The following GCLC variants were observed in gnomAD, a reference collection of about 807,000 sequenced individuals.
The protein encoded by GCLC is glutamate--cysteine ligase catalytic subunit.
A neutral mutation model predicts 81.5 loss-of-function variants in GCLC; 30 were observed. The ratio of observed to expected loss-of-function variants is 0.37; its 90% CI spans 0.28 to 0.50. The LOEUF is 0.50. Ranked by LOEUF, GCLC falls within the 20% of genes least tolerant of loss-of-function variation. The pLI, the probability that GCLC is intolerant of heterozygous loss-of-function variation, is 0.96. For missense variants in GCLC, 556 were observed against 777.4 expected (o/e 0.72, Z 3.39); for synonymous variants, 262 against 273.3 (o/e 0.96, Z 0.41).
chr6:53,508,208 G>A (rs1764654554), intron 8 of GCLC, among the ~76,000 whole-genome samples: 1 of 152,128 alleles, frequency 6.6e-6, no homozygotes, highest in African/African-American at 2.4e-5. Context: ...TTACTTTACA[G>A]TTCAACATGC....
intron 1 of GCLC, among the ~76,000 whole-genome samples, chr6:53,527,488 GC>G (rs1763102850): frequency 6.6e-6 from 1 of 151,900 alleles, no homozygotes; most frequent in African/African-American, 2.4e-5. Context: ...CACGCTCCCT[GC>G]CCCCCACCCC....
chr6:53,511,410 A>G (rs1457520206), intron 6 of GCLC, among the ~76,000 whole-genome samples: 1 of 152,102 alleles, frequency 6.6e-6, no homozygotes, highest in African/African-American at 2.4e-5. Flanking sequence ...TGTTGCTCTT[A>G]GGTATTTGAG....
At chr6:53,520,628 T>C (rs1762975285) in intron 3 of GCLC, 150 bp downstream of exon 3, 1 of 758,732 alleles carries the variant, frequency 1.3e-6, no homozygotes, top group Non-Finnish European at 2.4e-6. Flanking sequence ...GCAGCTCTAC[T>C]GTTACAGAGT....
intron 1 of GCLC, chr6:53,523,932 T>C (rs1368446210): frequency 6.6e-6 from 1 of 152,174 alleles, no homozygotes; most frequent in African/African-American, 2.4e-5. Flanking sequence ...ACATGAGATC[T>C]CCACCTGCAG....
intron 1 of GCLC, among the ~76,000 whole-genome samples, chr6:53,541,884 TA>T (rs1470219417): frequency 2.6e-5 from 4 of 152,086 alleles, no homozygotes; most frequent in African/African-American, 7.2e-5. Context: ...TTTTTTGGGG[TA>T]GGGGGCTAGG....
At chr6:53,536,984 G>T (rs1395300589) in intron 1 of GCLC, among the ~76,000 whole-genome samples, 1 of 152,142 alleles carries the variant, frequency 6.6e-6, no homozygotes, top group Non-Finnish European at 1.5e-5. Context: ...ACTAGACAAA[G>T]ACTTCTACAA....
Position 53,498,371 on chromosome 6 carries a change from C to A in GCLC, c.*385G>T. ...AGAAAAATTTCAATAAATCAGGTCC[C>A]AGGTAGTCTTTAAAAGAACAAAAAT... On this transcript the variant is annotated 3_prime_UTR_variant, in exon 16 of 16. Coordinates refer to ENST00000650454, the MANE Select transcript of GCLC (RefSeq NM_001498.4). The A allele has an allele frequency of 5.2e-6, 1 of 190,626 alleles. No individual in the cohort carries two copies. Among genetic ancestry groups the A allele is most frequent in the South Asian group, 1.1e-4 (1 of 9,446 alleles). The allele number at this position is 190,626 out of a possible 1,614,324, so 11.8% of individuals were successfully genotyped here.
In GCLC at chr6:53,508,595, C is replaced by T. The variant is rs1764667529; in HGVS notation, c.945G>A (p.Glu315=). 6.3e-7 allele frequency: 1 copy of T among 1,577,096 alleles called. No homozygotes were observed. Among genetic ancestry groups the T allele is most frequent in the African/African-American group, 1.3e-5 (1 of 74,222 alleles). ...GCTATTAAGGAAAAACAATTCCCACCTCCAGTCCTCGCTCCTCCCGAGTTC... is the reference window on the plus strand; with the variant it reads ...GCTATTAAGGAAAAACAATTCCCACTTCCAGTCCTCGCTCCTCCCGAGTTC... ...DDRTREERGL[E]PLKNNNYRIS... Residue 315 remains glutamate (E), a splice_region_variant and synonymous_variant, in exon 8 of 16, where the codon GAG becomes GAA. Coordinates refer to ENST00000650454, the MANE Select transcript of GCLC (RefSeq NM_001498.4).
At chr6:53,521,899 AG>A (rs1763004472) in intron 2 of GCLC, among the ~76,000 whole-genome samples, 1 of 152,178 alleles carries the variant, frequency 6.6e-6, no homozygotes, top group African/African-American at 2.4e-5. Context: ...GCGTGAAGCC[AG>A]GAGGTGGAGC....
Position 53,509,262 on chromosome 6 carries a change from T to G in GCLC, c.754-12A>C, listed in dbSNP as rs764162615. ...GCTTGGAATGTCACCTGTTTAAGAATTGCAAAGTTATTAACACCAAGGAAT... is the reference window on the plus strand; with the variant it reads ...GCTTGGAATGTCACCTGTTTAAGAAGTGCAAAGTTATTAACACCAAGGAAT... On this transcript the variant is annotated splice_polypyrimidine_tract_variant and intron_variant, in intron 6 of 15. Coordinates refer to ENST00000650454, the MANE Select transcript of GCLC (RefSeq NM_001498.4). The G allele has an allele frequency of 3.7e-5, 57 of 1,538,260 alleles. No individual in the cohort carries two copies. Among genetic ancestry groups the G allele is most frequent in the Non-Finnish European group, 5.0e-5 (55 of 1,111,000 alleles).
chr6:53,541,158 G>A lies in GCLC; in HGVS notation c.150+3338C>T, dbSNP rs371615500. Among the ~76,000 whole-genome samples the A allele has an allele frequency of 2.4e-4, 37 of 152,260 alleles. No homozygotes were observed. In the East Asian group the frequency reaches 6.0e-3, roughly 25 times the overall value. ...TTGAACTCTGGGAGGCGGAGGTTGC[G>A]GTGAGCCGAGATCACGTCATGCACT... is the stretch of plus-strand genomic sequence containing the variant. On this transcript the variant is annotated intron_variant, in intron 1 of 15. Transcript: ENST00000650454.
intron 12 of GCLC, chr6:53,500,829 G>A (rs72944729): frequency 2.7e-5 from 11 of 412,454 alleles, no homozygotes; most frequent in South Asian, 4.3e-5. Flanking sequence ...ACAGTGTTGG[G>A]AGGGCAGGTG....
Position 53,515,365 on chromosome 6 carries a change from T to A in GCLC, c.560+744A>T, listed in dbSNP as rs562781800. On this transcript the variant is annotated intron_variant, in intron 4 of 15. Coordinates refer to ENST00000650454, the MANE Select transcript of GCLC (RefSeq NM_001498.4). ...CTTTTGACATCTGTCATAATCTATC[T>A]CTTCTTGAGCAGCTGAATTATTTTT... 9.7e-4 allele frequency among the ~76,000 whole-genome samples: 148 copies of A among 152,362 alleles called. 1 individual carries two copies. The highest frequency in any genetic ancestry group is 1.6e-3 in the Non-Finnish European group (106 of 68,044).
Position 53,522,444 on chromosome 6 carries a change from C to A in GCLC, c.234G>T (p.Leu78=), listed in dbSNP as rs2066508. The A allele has an allele frequency of 0.034, 55,217 of 1,609,212 alleles. 1,111 individuals are homozygous for A. Among genetic ancestry groups the A allele is most frequent in the Non-Finnish European group, 0.04 (46,887 of 1,175,472 alleles). The change falls in exon 2 of 16, where the codon CTG becomes CTT. Residue 78 remains leucine, a synonymous_variant. Transcript: ENST00000650454. ...GGTTTGTCCTTTCCCCCTTCTCTTG[C>A]AGAGTTTCAAGAACTTTCTCCCCAG... The part of the protein sequence containing the change: ...VLSGEKVLET[L]QEKGERTNPN...
chr6:53,544,589 G>C lies in GCLC; in HGVS notation c.57C>G (p.Ala19=), dbSNP rs368320861. 1.8e-4 allele frequency: 282 copies of C among 1,605,256 alleles called. No homozygotes were observed. The highest frequency in any genetic ancestry group is 2.2e-4 in the Non-Finnish European group (263 of 1,179,614). ...GGATCCCGTGCCGCCGCACGTGGTC[G>C]GCATGGCGCTTGGTTTCCTCCCAGC... ...PLSWEETKRH[A]DHVRRHGILQ... Residue 19 remains alanine, a synonymous_variant, in exon 1 of 16, where the codon GCC becomes GCG. Coordinates refer to ENST00000650454, the MANE Select transcript of GCLC (RefSeq NM_001498.4).
intron 1 of GCLC, among the ~76,000 whole-genome samples, chr6:53,536,383 GATGTATACAT>G (rs1194469731): frequency 6.6e-6 from 1 of 152,180 alleles, no homozygotes; most frequent in Non-Finnish European, 1.5e-5. Context: ...GTGATTTTAT[GATGTATACAT>G]ATATCAAAAC....
At chr6:53,507,195 C>G in intron 9 of GCLC, 170 bp from the exon 10 acceptor site, 1 of 695,824 alleles carries the variant, frequency 1.4e-6, no homozygotes, top group South Asian at 1.6e-5. Flanking sequence ...ATCCTGCGGA[C>G]ACTGCGGGAG....
chr6:53,498,842 T>C lies in GCLC; in HGVS notation c.1828A>G (p.Asn610Asp), dbSNP rs769415335. The change falls in exon 16 of 16, where the codon AAT (asparagine) becomes GAT (aspartate). Residue 610 changes from asparagine (N) to aspartate (D), a missense_variant. By Grantham distance (23) the Asn-to-Asp change is conservative (BLOSUM62 1). Coordinates refer to ENST00000650454, the MANE Select transcript of GCLC (RefSeq NM_001498.4). ...SLILKCNQIA[N>D]ELCECPELLG... Reference sequence around the variant, plus strand: ...AACTCTGGGCATTCACATAATTCATTTGCAATTTGGTTACACTTCAAAATA... The same window carrying C: ...AACTCTGGGCATTCACATAATTCATCTGCAATTTGGTTACACTTCAAAATA... 1 of 1,613,396 alleles carries C rather than the reference T, an allele frequency of 6.2e-7. No individual in the cohort carries two copies. Among genetic ancestry groups the C allele is most frequent in the South Asian group, 1.1e-5 (1 of 91,066 alleles).
Position 53,545,059 on chromosome 6 carries a change from G to C in GCLC, c.-414C>G, listed in dbSNP as rs1763430916. The C allele has an allele frequency of 6.4e-6, 1 of 155,980 alleles. No homozygotes were observed. The allele number at this position is 155,980 out of a possible 1,614,324, so 9.7% of individuals were successfully genotyped here. A position where few individuals can be genotyped will look rare whatever the true frequency, so the allele number is the denominator to read the frequency against. On this transcript the variant is annotated 5_prime_UTR_variant, in exon 1 of 16. Coordinates refer to ENST00000650454, the MANE Select transcript of GCLC (RefSeq NM_001498.4). ...ACTTGTGACCAAAACCTGCGCCGCC[G>C]CGGAGCATGCCCAGTCTTTGCGTCC... is the stretch of plus-strand genomic sequence containing the variant.
Sources: allele counts gnomAD v4.1 joint callset (sites outside exome capture counted in the v4.1 genomes callset), GRCh38; gene constraint gnomAD v4.1.1; transcripts MANE v1.5; gene names NCBI Gene and HGNC (gene_info 2026-07-23, HGNC 2026-07-21).